The following SMS variants were observed in gnomAD, a reference collection of about 807,000 sequenced individuals.
SMS encodes the protein spermine synthase.
A neutral mutation model predicts 33.0 loss-of-function variants in SMS; 3 were observed. That is an observed-to-expected ratio of 0.09 (90% CI 0.04 to 0.23). The LOEUF is 0.23. SMS is among the 10% of genes least tolerant of loss of function. The pLI, the probability that SMS is intolerant of heterozygous loss-of-function variation, is 1.00. For missense variants in SMS, 117 were observed against 288.6 expected (o/e 0.41, Z 4.31); for synonymous variants, 103 against 112.2 (o/e 0.92, Z 0.52).
At chrX:21,953,026 G>T (rs1922725693) in intron 1 of SMS, among the ~76,000 whole-genome samples, 1 of 109,331 alleles carries the variant, frequency 9.1e-6, no homozygotes, top group African/African-American at 3.3e-5. Flanking sequence ...GCCTCCCAAA[G>T]TACTGGGATT....
intron 1 of SMS, among the ~76,000 whole-genome samples, chrX:21,948,331 G>A (rs978158888): frequency 9.1e-6 from 1 of 110,311 alleles, no homozygotes; most frequent in African/African-American, 3.3e-5. Flanking sequence ...TAATCAAGGC[G>A]CTAGGAGTGA....
chrX:21,976,880 A>ACTAT (rs781627893), intron 4 of SMS, among the ~76,000 whole-genome samples, 181 bp from the exon 5 acceptor site: 7 of 112,574 alleles, frequency 6.2e-5, no homozygotes, highest in Non-Finnish European at 1.1e-4. Context: ...ACTGTGTACA[A>ACTAT]TAGTTGTCAA....
intron 2 of SMS, 57 bp from the exon 3 acceptor site, chrX:21,971,840 T>C (rs1287085398): frequency 4.0e-5 from 31 of 782,975 alleles, no homozygotes; most frequent in Middle Eastern, 4.4e-4. Context: ...CTCTCTCTCT[T>C]TTTTTTTTAA....
At chrX:21,946,134 A>G (rs1216619822) in intron 1 of SMS, among the ~76,000 whole-genome samples, 1 of 112,355 alleles carries the variant, frequency 8.9e-6, no homozygotes, top group Non-Finnish European at 1.9e-5. Flanking sequence ...CTATTAGTGA[A>G]AATAAGTCTG....
intron 1 of SMS, among the ~76,000 whole-genome samples, chrX:21,958,915 C>A (rs1274626978): frequency 5.3e-5 from 6 of 112,919 alleles, no homozygotes; most frequent in Non-Finnish European, 9.4e-5. Context: ...AAGGTCCTAC[C>A]GTGTTGTATG....
intron 7 of SMS, among the ~76,000 whole-genome samples, chrX:21,980,490 C>T (rs1438387415): frequency 1.0e-5 from 1 of 98,937 alleles, no homozygotes; most frequent in East Asian, 3.2e-4. Flanking sequence ...CTTCCTGAAT[C>T]TAAAATAAAA....
chrX:21,943,602 C>T (rs1386219537), intron 1 of SMS, among the ~76,000 whole-genome samples: 1 of 107,041 alleles, frequency 9.3e-6, no homozygotes, highest in Non-Finnish European at 1.9e-5. Context: ...GATGGCAAGG[C>T]GAACATTCTA....
intron 4 of SMS, among the ~76,000 whole-genome samples, chrX:21,975,241 C>T (rs148722429): frequency 0.016 from 1,792 of 110,825 alleles, 42 homozygotes; most frequent in African/African-American, 0.055. Context: ...GGGCTACCAG[C>T]GAGATGCCCT....
At chrX:21,968,594 G>A (rs1182632930) in intron 2 of SMS, among the ~76,000 whole-genome samples, 1 of 112,065 alleles carries the variant, frequency 8.9e-6, no homozygotes. Context: ...ACCACACTTG[G>A]AGTAGCACTG....
chrX:21,986,765 A>G (rs1163016242), intron 9 of SMS, among the ~76,000 whole-genome samples: 1 of 112,122 alleles, frequency 8.9e-6, no homozygotes, highest in African/African-American at 3.2e-5. Context: ...TCCTGCTTGC[A>G]TGTTTGTAAA....
At chrX:21,950,692 T>G (rs1004205976) in intron 1 of SMS, among the ~76,000 whole-genome samples, 1 of 108,812 alleles carries the variant, frequency 9.2e-6, no homozygotes, top group African/African-American at 3.4e-5. Flanking sequence ...TGAGAACATG[T>G]GGTGTTTGGT....
At chrX:21,954,890 G>A (rs1055277924) in intron 1 of SMS, among the ~76,000 whole-genome samples, 52 of 110,821 alleles carry the variant, frequency 4.7e-4, no homozygotes, top group Middle Eastern at 4.2e-3. Context: ...AGGATGAAGT[G>A]CAGTGGCGTG....
chrX:21,970,102 G>A (rs755894477), intron 2 of SMS, among the ~76,000 whole-genome samples: 1 of 112,815 alleles, frequency 8.9e-6, no homozygotes, highest in Non-Finnish European at 1.9e-5. Flanking sequence ...ATGAGCCACC[G>A]CGCCTGGCCA....
chrX:21,975,541 T>C (rs1433178607), intron 4 of SMS, among the ~76,000 whole-genome samples: 2 of 111,174 alleles, frequency 1.8e-5, no homozygotes, highest in East Asian at 2.9e-4. Flanking sequence ...TGGCTCACTC[T>C]CACCTCACTC....
chrX:21,968,313 C>T (rs971392093), intron 2 of SMS, among the ~76,000 whole-genome samples: 4 of 112,497 alleles, frequency 3.6e-5, no homozygotes, highest in African/African-American at 1.3e-4. Flanking sequence ...CCCTTCTCTA[C>T]TCTGTTTCTG....
intron 1 of SMS, among the ~76,000 whole-genome samples, chrX:21,956,010 GA>G (rs960111367): frequency 2.7e-5 from 3 of 112,198 alleles, no homozygotes; most frequent in African/African-American, 9.7e-5. Context: ...GTGTCTGTGG[GA>G]AATGCTCTCC....
intron 8 of SMS, 105 bp from the exon 9 acceptor site, chrX:21,985,038 CT>C: frequency 1.9e-6 from 1 of 532,156 alleles, no homozygotes; most frequent in East Asian, 3.7e-5. Flanking sequence ...ACTCGTGGCT[CT>C]TTTTCTTTTT....
intron 7 of SMS, among the ~76,000 whole-genome samples, chrX:21,981,245 G>A (rs946558050): frequency 1.8e-5 from 2 of 110,071 alleles, no homozygotes; most frequent in Non-Finnish European, 3.8e-5. Flanking sequence ...GCTTGAACCC[G>A]GGAGGTGGAG....
rs1555992680 is a variant in SMS at position 21,944,539 on chromosome X, A to AAAAAAAG, written c.49+3673_49+3679dup. Among the ~76,000 whole-genome samples the AAAAAAAG allele has an allele frequency of 8.9e-3, 712 of 79,957 alleles. 2 individuals carry two copies. Among genetic ancestry groups the AAAAAAAG allele is most frequent in the Non-Finnish European group, 0.011 (462 of 41,901 alleles). The allele number at this position is 79,957 out of a possible 115,157, so 69.4% of individuals were successfully genotyped here. On this transcript the variant is annotated intron_variant, in intron 1 of 10. Transcript: ENST00000404933. ...TGTCTCTACAAAAAAAAAAAAAAAA[A>AAAAAAAG]AAAAAAGAAAAAAAATTAGCCAGGT...
Sources: allele counts gnomAD v4.1 joint callset (sites outside exome capture counted in the v4.1 genomes callset), GRCh38; gene constraint gnomAD v4.1.1; transcripts MANE v1.5; gene names NCBI Gene and HGNC (gene_info 2026-07-23, HGNC 2026-07-21).